The following MARCHF8 variants were observed in gnomAD, a reference collection of about 807,000 sequenced individuals.
MARCHF8 encodes the protein membrane associated ring-CH-type finger 8.
MARCHF8 carries 40 observed loss-of-function variants against 51.6 expected under a neutral mutation model. The observed-to-expected ratio is 0.77, with a 90% CI of 0.60 to 1.01. MARCHF8 has a LOEUF of 1.01. MARCHF8 is among the 50% of genes least tolerant of loss of function. The pLI is 0.00. For missense variants in MARCHF8, 685 were observed against 708.6 expected (o/e 0.97, Z 0.38); for synonymous variants, 263 against 280.3 (o/e 0.94, Z 0.62).
chr10:45,465,047 C>A (rs1409186522), intron 3 of MARCHF8, among the ~76,000 whole-genome samples: 3 of 151,982 alleles, frequency 2.0e-5, no homozygotes, highest in African/African-American at 7.3e-5. Context: ...AATAGTCAAA[C>A]TTAGAGAAAA....
chr10:45,460,170 G>A (rs1311919292), intron 6 of MARCHF8, among the ~76,000 whole-genome samples: 1 of 152,106 alleles, frequency 6.6e-6, no homozygotes, highest in Non-Finnish European at 1.5e-5. Flanking sequence ...AAGTTCCCTG[G>A]TCTTCCTACC....
At chr10:45,484,472 C>A (rs143252566) in intron 3 of MARCHF8, among the ~76,000 whole-genome samples, 1 of 152,300 alleles carries the variant, frequency 6.6e-6, no homozygotes, top group African/African-American at 2.4e-5. Flanking sequence ...ACCTGTGGGA[C>A]TCAAACTGCC....
intron 3 of MARCHF8, among the ~76,000 whole-genome samples, chr10:45,474,136 C>T (rs1338011095): frequency 1.3e-5 from 2 of 152,210 alleles, no homozygotes; most frequent in East Asian, 3.8e-4. Context: ...TTCTGGCACA[C>T]AGTTAGGTGC....
At position 45,463,197 on chromosome 10, in the gene MARCHF8, T is replaced by C. The variant is rs1011895708; in HGVS notation, c.1042A>G (p.Lys348Glu). The change falls in exon 5 of 8, where the codon AAA (lysine) becomes GAA (glutamate). Residue 348 changes from lysine (K) to glutamate (E), a missense_variant. Coordinates refer to ENST00000453424, the MANE Select transcript of MARCHF8 (RefSeq NM_001282866.2). ...DLDCPSPFSE[K>E]LPPISPVSTS... ...GACACGGGAGATATGGGGGGTAATT[T>C]TTCAGAGAAGGGAGAAGGACAATCC... is the stretch of plus-strand genomic sequence containing the variant. 13 of 1,550,516 alleles carry C rather than the reference T, an allele frequency of 8.4e-6. No individual in the cohort carries two copies. The highest frequency in any genetic ancestry group is 8.2e-5 in the African/African-American group (6 of 73,034).
At chr10:45,532,109 C>T (rs2043896966) in intron 2 of MARCHF8, among the ~76,000 whole-genome samples, 1 of 152,178 alleles carries the variant, frequency 6.6e-6, no homozygotes, top group African/African-American at 2.4e-5. Flanking sequence ...GTGTTCAAAC[C>T]ATCCCCACAC....
intron 1 of MARCHF8, among the ~76,000 whole-genome samples, chr10:45,552,187 A>C (rs978442097): frequency 1.3e-5 from 2 of 152,172 alleles, no homozygotes; most frequent in African/African-American, 4.8e-5. Flanking sequence ...ATACATACTA[A>C]AGAAGGTGAA....
At chr10:45,556,612 A>G (rs1333668488) in intron 1 of MARCHF8, among the ~76,000 whole-genome samples, 1 of 152,220 alleles carries the variant, frequency 6.6e-6, no homozygotes, top group Non-Finnish European at 1.5e-5. Context: ...TGTTAATGGC[A>G]TATAAAATTT....
chr10:45,463,068 T>C, intron 5 of MARCHF8, 83 bp downstream of exon 5: 4 of 1,450,360 alleles, frequency 2.8e-6, no homozygotes, highest in Non-Finnish European at 3.7e-6. Flanking sequence ...TACTTCATTT[T>C]CCTGAAACTT....
chr10:45,471,905 G>A (rs1294016724), intron 3 of MARCHF8, among the ~76,000 whole-genome samples: 1 of 152,160 alleles, frequency 6.6e-6, no homozygotes, highest in East Asian at 1.9e-4. Context: ...AAACCTGCAG[G>A]TCTCATATCT....
chr10:45,512,068 G>C (rs556054018), intron 2 of MARCHF8, among the ~76,000 whole-genome samples: 1 of 142,616 alleles, frequency 7.0e-6, no homozygotes, highest in Non-Finnish European at 1.5e-5. Flanking sequence ...GCCGCCCATC[G>C]CCTGAGATGT....
intron 1 of MARCHF8, among the ~76,000 whole-genome samples, chr10:45,569,184 T>C (rs117771181): frequency 4.2e-3 from 641 of 152,284 alleles, no homozygotes; most frequent in Non-Finnish European, 6.2e-3. Flanking sequence ...AAACCTGCCT[T>C]AGACAAAAGG....
intron 2 of MARCHF8, among the ~76,000 whole-genome samples, chr10:45,499,707 C>T (rs2043243106): frequency 6.6e-6 from 1 of 152,156 alleles, no homozygotes; most frequent in Non-Finnish European, 1.5e-5. Flanking sequence ...TCCTCACTGA[C>T]TAGTCTCGGC....
intron 1 of MARCHF8, among the ~76,000 whole-genome samples, chr10:45,588,986 A>T (rs1227532660): frequency 1.4e-5 from 2 of 141,648 alleles, no homozygotes; most frequent in Non-Finnish European, 3.1e-5. Flanking sequence ...GTGACAGAGC[A>T]AGACTACGTT....
Position 45,457,371 on chromosome 10 carries a change from A to G in MARCHF8, c.*868T>C, listed in dbSNP as rs1045268433. On this transcript the variant is annotated 3_prime_UTR_variant, in exon 8 of 8. Transcript: ENST00000453424. ...CTTGTCATAAAACAGGCTCAAAAGC[A>G]TAGGAATCATGCTTTAATTGCCATT... 1 of 152,274 alleles carries G rather than the reference A, an allele frequency of 6.6e-6. No homozygotes were observed. 9.4% of individuals were successfully genotyped at this position (152,274 alleles called of 1,614,324 possible).
In MARCHF8 at chr10:45,592,471, G is replaced by GA. The variant is rs563720221; in HGVS notation, c.-79+1763dup. On this transcript the variant is annotated intron_variant, in intron 1 of 6. Coordinates refer to the MARCHF8 transcript ENST00000319836. ...GTTGTAAAGTGTCTTTTACGGGGGGGAAAAAGCACATACCATTTCAAGGCT... is the reference window on the plus strand; with the variant it reads ...GTTGTAAAGTGTCTTTTACGGGGGGGAAAAAAGCACATACCATTTCAAGGCT... 5.3e-5 allele frequency among the ~76,000 whole-genome samples: 8 copies of GA among 152,134 alleles called. No individual in the cohort carries two copies. In the South Asian group the frequency reaches 1.0e-3, roughly 20 times the overall value.
At chr10:45,582,131 G>A (rs971470376) in intron 1 of MARCHF8, among the ~76,000 whole-genome samples, 1 of 152,028 alleles carries the variant, frequency 6.6e-6, no homozygotes, top group African/African-American at 2.4e-5. Context: ...ATCCCTGGCT[G>A]GCTGGGACTT....
chr10:45,497,195 T>C (rs973104118), intron 2 of MARCHF8, among the ~76,000 whole-genome samples: 7 of 152,048 alleles, frequency 4.6e-5, no homozygotes, highest in Non-Finnish European at 7.4e-5. Flanking sequence ...AAAAAAGACT[T>C]AGGAAAATTT....
chr10:45,542,172 C>A (rs1436631756), intron 1 of MARCHF8, among the ~76,000 whole-genome samples: 14 of 151,790 alleles, frequency 9.2e-5, no homozygotes, highest in Admixed American at 9.2e-4. Context: ...GGTGAAACCC[C>A]ATCTCTACTA....
Position 45,457,086 on chromosome 10 carries a change from C to G in MARCHF8, c.*1153G>C, listed in dbSNP as rs1253714263. On this transcript the variant is annotated 3_prime_UTR_variant, in exon 8 of 8. Coordinates refer to ENST00000453424, the MANE Select transcript of MARCHF8 (RefSeq NM_001282866.2). ...CCACAGAACTTCCCCGAGCAGAAGC[C>G]TCACAGTGGGCCAGCACCCATCTTG... The G allele has an allele frequency of 6.6e-6, 1 of 152,334 alleles. No homozygotes were observed. 9.4% of individuals were successfully genotyped at this position (152,334 alleles called of 1,614,324 possible).
Sources: gnomAD v4.1 joint callset for allele counts (sites outside exome capture counted in the v4.1 genomes callset) on GRCh38, gnomAD v4.1.1 for gene constraint, MANE v1.5 for transcripts, NCBI Gene and HGNC (gene_info 2026-07-23, HGNC 2026-07-21) for gene names.